Variants in UTS2B observed in about 807,000 individuals in gnomAD.
UTS2B encodes the protein urotensin-2B.
In UTS2B, 21 loss-of-function variants were observed where a neutral mutation model predicts 19.2. The observed-to-expected ratio is 1.09, with a 90% CI of 0.78 to 1.58. The LOEUF (loss-of-function observed/expected upper bound fraction) is 1.58. Among genes scored for constraint, UTS2B ranks in the 40% most tolerant of loss-of-function variants. The probability of loss-of-function intolerance (pLI) is 0.00; values close to 1 mark genes in which losing one functional copy is unlikely to be tolerated. For synonymous variants in UTS2B, 57 were observed against 50.2 expected (o/e 1.14, Z -0.58); for missense variants, 138 against 130.3 (o/e 1.06, Z -0.29).
intron 2 of UTS2B, among the ~76,000 whole-genome samples, chr3:191,319,273 A>G (rs1219397809): frequency 1.3e-5 from 2 of 152,102 alleles, no homozygotes; most frequent in African/African-American, 2.4e-5. Flanking sequence ...TCACTTTATC[A>G]TTGTCTCTCG....
intron 4 of UTS2B, among the ~76,000 whole-genome samples, chr3:191,289,447 T>TAAATAAATAAATAAATAAAA (rs1206575948): frequency 1.9e-4 from 28 of 144,662 alleles, no homozygotes; most frequent in East Asian, 6.0e-4. Context: ...AATAAATAAA[T>TAAATAAATAAATAAATAAAA]AAAAAACAAA....
rs1248519344 is a variant in UTS2B, at chr3:191,268,414, C to G, written c.*2G>C. Reference sequence around the variant, plus strand: ...TCTTTTTTTGCATCCAGAGAAAAAGCTTTAAACACAGTATTTCCAAAAGCA... The same window carrying G: ...TCTTTTTTTGCATCCAGAGAAAAAGGTTTAAACACAGTATTTCCAAAAGCA... On this transcript the variant is annotated 3_prime_UTR_variant, in exon 9 of 9. Coordinates refer to ENST00000340524, the MANE Select transcript of UTS2B (RefSeq NM_198152.5). 6.4e-7 allele frequency: 1 copy of G among 1,559,658 alleles called. No homozygotes were observed. Among genetic ancestry groups the G allele is most frequent in the Non-Finnish European group, 8.8e-7 (1 of 1,140,260 alleles).
chr3:191,275,458 G>T, intron 7 of UTS2B, 113 bp from the exon 8 acceptor site: 2 of 733,730 alleles, frequency 2.7e-6, no homozygotes, highest in Non-Finnish European at 4.7e-6. Flanking sequence ...AGGCAGGCAG[G>T]TCACGAGGTC....
upstream of UTS2B, among the ~76,000 whole-genome samples, chr3:191,333,224 G>A (rs1718046328): frequency 6.6e-6 from 1 of 152,174 alleles, no homozygotes; most frequent in Admixed American, 6.5e-5. Context: ...TTTCTTTAGT[G>A]AAAGATACAA....
intron 4 of UTS2B, among the ~76,000 whole-genome samples, chr3:191,292,497 T>C (rs1435980960): frequency 1.3e-5 from 2 of 152,212 alleles, no homozygotes; most frequent in Non-Finnish European, 2.9e-5. Context: ...TGCATATTGA[T>C]CTTATATTTT....
chr3:191,331,858 G>C (rs905173921), upstream of UTS2B, among the ~76,000 whole-genome samples: 3 of 152,170 alleles, frequency 2.0e-5, no homozygotes, highest in Non-Finnish European at 2.9e-5. Flanking sequence ...TGCAAACATT[G>C]AGACTGTGGT....
intron 3 of UTS2B, among the ~76,000 whole-genome samples, chr3:191,305,564 C>T (rs1001331367): frequency 2.6e-5 from 4 of 151,964 alleles, no homozygotes; most frequent in African/African-American, 4.8e-5. Flanking sequence ...GATATTAGAC[C>T]TTTGTCAAAT....
At chr3:191,325,693 T>C (rs1717727825) in intron 2 of UTS2B, among the ~76,000 whole-genome samples, 1 of 152,214 alleles carries the variant, frequency 6.6e-6, no homozygotes, top group Non-Finnish European at 1.5e-5. Context: ...GGCTGAATTA[T>C]CTGTCCCTAA....
chr3:191,307,798 C>T (rs907350582), intron 3 of UTS2B, among the ~76,000 whole-genome samples: 3 of 149,328 alleles, frequency 2.0e-5, no homozygotes, highest in Non-Finnish European at 4.5e-5. Context: ...TATGTAGGTG[C>T]TTTTTCTTTT....
At chr3:191,295,056 C>T (rs73201611) in intron 4 of UTS2B, among the ~76,000 whole-genome samples, 14,863 of 151,502 alleles carry the variant, frequency 0.098, 1,050 homozygotes, top group Non-Finnish European at 0.14. Context: ...CAACAACAAA[C>T]TTTTTGTCTT....
rs1576914814 is a variant in UTS2B at position 191,278,141 on chromosome 3, T to C, written c.133A>G (p.Thr45Ala). ...GCCAGCAATAGTTCCTCACGATTTG[T>C]ATATTTTTTATCTGGAAATATTTCA... ...GNEIFPDKKYTNREELLLALL... is the reference protein window; with the variant it reads ...GNEIFPDKKYANREELLLALL... The change falls in exon 6 of 9, where the codon ACA (threonine) becomes GCA (alanine). Residue 45 changes from threonine (T) to alanine (A), a missense_variant. Coordinates refer to ENST00000340524, the MANE Select transcript of UTS2B (RefSeq NM_198152.5). 1.3e-6 allele frequency: 2 copies of C among 1,553,982 alleles called. No individual in the cohort carries two copies. The highest frequency in any genetic ancestry group is 1.7e-6 in the Non-Finnish European group (2 of 1,153,168).
At chr3:191,289,836 A>G (rs966519268) in intron 4 of UTS2B, among the ~76,000 whole-genome samples, 1 of 152,196 alleles carries the variant, frequency 6.6e-6, no homozygotes, top group Non-Finnish European at 1.5e-5. Flanking sequence ...GACACAAAAT[A>G]TCAGTTAGAT....
rs573658023 is a variant in UTS2B at position 191,321,690 on chromosome 3, G to A, written c.-585-5251C>T. Among the ~76,000 whole-genome samples, 348 of 152,294 alleles carry A rather than the reference G, an allele frequency of 2.3e-3. 20 individuals carry two copies. In the South Asian group the frequency reaches 0.07, roughly 30 times the overall value. On this transcript the variant is annotated intron_variant, in intron 2 of 8. Transcript: ENST00000340524. ...TTTGTATCTATCTGCTAATAAATGT[G>A]TATGTGTACATACAAATATGTGTAT...
chr3:191,298,540 T>C (rs150302658), intron 4 of UTS2B, among the ~76,000 whole-genome samples: 1 of 152,344 alleles, frequency 6.6e-6, no homozygotes, highest in African/African-American at 2.4e-5. Flanking sequence ...AGAGCCATTA[T>C]GCTTTCTGTA....
At chr3:191,341,614 TTTCTC>T in the UTS2B span, among the ~76,000 whole-genome samples, 2 of 152,230 alleles carry the variant, frequency 1.3e-5, no homozygotes, top group South Asian at 4.1e-4. Context: ...AGTTTTGGCT[TTTCTC>T]TTCTCAGAGT....
In UTS2B at chr3:191,318,846, T is replaced by A. The variant is rs116286326; in HGVS notation, c.-585-2407A>T. ...TGTTTTTGTTTTTTGTAACCTTGGGTTGAAAAAATAGATAATTGCAAATCA... is the reference window on the plus strand; with the variant it reads ...TGTTTTTGTTTTTTGTAACCTTGGGATGAAAAAATAGATAATTGCAAATCA... On this transcript the variant is annotated intron_variant, in intron 2 of 8. Coordinates refer to ENST00000340524, the MANE Select transcript of UTS2B (RefSeq NM_198152.5). Among the ~76,000 whole-genome samples, 417 of 152,262 alleles carry A rather than the reference T, an allele frequency of 2.7e-3. 5 individuals carry two copies. The highest frequency in any genetic ancestry group is 9.7e-3 in the African/African-American group (402 of 41,538).
intron 4 of UTS2B, among the ~76,000 whole-genome samples, chr3:191,291,977 T>A (rs1426320711): frequency 2.0e-5 from 3 of 152,172 alleles, no homozygotes; most frequent in African/African-American, 7.2e-5. Context: ...ACAAGTAAAA[T>A]ATTGTTTATT....
intron 4 of UTS2B, among the ~76,000 whole-genome samples, chr3:191,297,188 T>C (rs983402118): frequency 1.3e-5 from 2 of 152,210 alleles, no homozygotes; most frequent in Non-Finnish European, 2.9e-5. Flanking sequence ...GGTATCTGAC[T>C]CATAGAGTAA....
rs996932621 is a variant in UTS2B, at chr3:191,316,331, T to C, written c.-477A>G. 6.6e-6 allele frequency: 1 copy of C among 152,578 alleles called. No individual in the cohort carries two copies. The highest frequency in any genetic ancestry group is 2.4e-5 in the African/African-American group (1 of 41,470). 9.5% of individuals were successfully genotyped at this position (152,578 alleles called of 1,614,324 possible). Reference sequence around the variant, plus strand: ...TCCGGAATTTGTTCATTTCTCCCGGTAGGTTCGTGGTCTCTCTGGTTTCAA... The same window carrying C: ...TCCGGAATTTGTTCATTTCTCCCGGCAGGTTCGTGGTCTCTCTGGTTTCAA... On this transcript the variant is annotated 5_prime_UTR_variant, in exon 3 of 9. Coordinates refer to ENST00000340524, the MANE Select transcript of UTS2B (RefSeq NM_198152.5).
Sources: gnomAD v4.1 joint callset for allele counts (sites outside exome capture counted in the v4.1 genomes callset) on GRCh38, gnomAD v4.1.1 for gene constraint, MANE v1.5 for transcripts, NCBI Gene and HGNC (gene_info 2026-07-23, HGNC 2026-07-21) for gene names.